The following EGLN1 variants were observed in gnomAD, a reference collection of about 807,000 sequenced individuals.
EGLN1 encodes egl nine homolog 1.
In EGLN1, 17 loss-of-function variants were observed where a neutral mutation model predicts 38.3. That is an observed-to-expected ratio of 0.44 (90% CI 0.30 to 0.67). The LOEUF is 0.67. EGLN1 is among the 30% of genes least tolerant of loss of function. EGLN1 has a pLI of 0.08. For synonymous variants in EGLN1, 283 were observed against 257.5 expected, an observed-to-expected ratio of 1.10 and a Z score of -0.95; for missense variants, 477 against 603.3, an observed-to-expected ratio of 0.79 and a Z score of 2.19.
intron 1 of EGLN1, among the ~76,000 whole-genome samples, chr1:231,388,654 TTG>T (rs1314975879): frequency 8.6e-5 from 3 of 34,736 alleles, no homozygotes. Flanking sequence ...TGGTTTTTTG[TTG>T]TTGTTGTTGT....
rs1238568345 is a variant in EGLN1, at chr1:231,367,496, G to C, written c.1216+73C>G. 26 of 1,425,814 alleles carry C rather than the reference G, an allele frequency of 1.8e-5. No individual in the cohort carries two copies. The East Asian group carries it at 5.9e-4, about 32-fold the overall frequency. The allele number at this position is 1,425,814 out of a possible 1,614,324, so 88.3% of individuals were successfully genotyped here. ...CATGGTGTTAACAAAGACTATGCTT[G>C]AGTTTCCTGAAAGCATCACCTGATT... is the stretch of plus-strand genomic sequence containing the variant. On this transcript the variant is annotated intron_variant, in intron 4 of 4. Transcript: ENST00000366641.
intron 1 of EGLN1, among the ~76,000 whole-genome samples, chr1:231,399,808 CAATA>C (rs1217989694): frequency 6.6e-6 from 1 of 152,050 alleles, no homozygotes; most frequent in Non-Finnish European, 1.5e-5. Flanking sequence ...CATTCTTGAC[CAATA>C]TATACCACGC....
chr1:231,395,642 C>T (rs1057357993), intron 1 of EGLN1, among the ~76,000 whole-genome samples: 8 of 152,172 alleles, frequency 5.3e-5, no homozygotes, highest in Non-Finnish European at 8.8e-5. Flanking sequence ...AATCTAATGA[C>T]GCCAGTGTAT....
intron 1 of EGLN1, among the ~76,000 whole-genome samples, chr1:231,377,694 G>A (rs1014342793): frequency 6.6e-6 from 1 of 152,176 alleles, no homozygotes; most frequent in Non-Finnish European, 1.5e-5. Context: ...CCGGGGATCT[G>A]TTTGTATTAT....
In EGLN1 at chr1:231,374,016, T is replaced by A. The variant is rs374733352; in HGVS notation, c.975A>T (p.Thr325=). The part of the protein sequence containing the change: ...DNPNGDGRCV[T]CIYYLNKDWD... Reference sequence around the variant, plus strand: ...AGTCTTTATTAAGATAATATATACATGTCACACATCTTCCATCTCCATTTG... The same window carrying A: ...AGTCTTTATTAAGATAATATATACAAGTCACACATCTTCCATCTCCATTTG... The change falls in exon 2 of 5, where the codon ACA becomes ACT. Residue 325 remains threonine, a synonymous_variant. Transcript: ENST00000366641. The A allele has an allele frequency of 4.8e-5, 77 of 1,613,666 alleles. 2 individuals are homozygous for A. The highest frequency in any genetic ancestry group is 8.5e-7 in the Non-Finnish European group (1 of 1,179,766).
intron 1 of EGLN1, among the ~76,000 whole-genome samples, chr1:231,393,247 G>T (rs139618106): frequency 6.6e-6 from 1 of 152,186 alleles, no homozygotes; most frequent in Admixed American, 6.5e-5. Context: ...CCATAGGTAA[G>T]GACCAATACA....
chr1:231,388,548 T>C (rs1379750002), intron 1 of EGLN1, among the ~76,000 whole-genome samples: 3 of 152,040 alleles, frequency 2.0e-5, no homozygotes, highest in East Asian at 3.9e-4. Context: ...TCTTGGCTAC[T>C]GCAACCTCTA....
intron 3 of EGLN1, chr1:231,369,701 C>T (rs1161016945): frequency 1.7e-6 from 1 of 598,476 alleles, no homozygotes; most frequent in Non-Finnish European, 2.1e-6. Flanking sequence ...CTAAAGCCAA[C>T]TCTCCACCCA....
At chr1:231,367,424 A>C (rs1254792310) in intron 4 of EGLN1, 145 bp downstream of exon 4, 1 of 878,252 alleles carries the variant, frequency 1.1e-6, no homozygotes, top group East Asian at 2.5e-5. Context: ...GTCTTCTTAA[A>C]AAATGAGGCA....
chr1:231,369,527 G>A (rs1238271359), intron 3 of EGLN1: 1 of 981,636 alleles, frequency 1.0e-6, no homozygotes, highest in Non-Finnish European at 1.2e-6. Flanking sequence ...CATGTGATGT[G>A]ACAGTCTTTC....
At chr1:231,419,114 AAATT>A (rs1318790058) in intron 1 of EGLN1, among the ~76,000 whole-genome samples, 1 of 152,212 alleles carries the variant, frequency 6.6e-6, no homozygotes, top group Non-Finnish European at 1.5e-5. Flanking sequence ...TGCGTCCCTA[AAATT>A]AATATAAGCA....
At chr1:231,372,785 T>C (rs971302366) in intron 2 of EGLN1, among the ~76,000 whole-genome samples, 10 of 152,222 alleles carry the variant, frequency 6.6e-5, no homozygotes, top group African/African-American at 2.2e-4. Context: ...ACTGTGAGCA[T>C]ATTCTAAACT....
intron 1 of EGLN1, among the ~76,000 whole-genome samples, chr1:231,405,299 A>G (rs1688760443): frequency 6.6e-6 from 1 of 152,052 alleles, no homozygotes; most frequent in South Asian, 2.1e-4. Context: ...CAGTCTCCTG[A>G]GTAGCTGGGA....
At chr1:231,407,783 G>A (rs917832474) in intron 1 of EGLN1, among the ~76,000 whole-genome samples, 4 of 152,020 alleles carry the variant, frequency 2.6e-5, no homozygotes, top group Non-Finnish European at 4.4e-5. Context: ...CTAGTACCTG[G>A]AGTTAAAAAT....
chr1:231,369,127 G>A (rs376925197), intron 3 of EGLN1, among the ~76,000 whole-genome samples: 4 of 151,590 alleles, frequency 2.6e-5, no homozygotes, highest in Admixed American at 2.6e-4. Context: ...CCTTTTCGTC[G>A]CATGATTTTC....
chr1:231,413,868 C>G (rs1428098790), intron 1 of EGLN1, among the ~76,000 whole-genome samples: 1 of 152,060 alleles, frequency 6.6e-6, no homozygotes, highest in Non-Finnish European at 1.5e-5. Context: ...AAGAGAATTC[C>G]AAACTCATGA....
At chr1:231,368,210 A>G (rs1687710742) in intron 3 of EGLN1, among the ~76,000 whole-genome samples, 1 of 152,128 alleles carries the variant, frequency 6.6e-6, no homozygotes, top group South Asian at 2.1e-4. Flanking sequence ...AGAGACAATA[A>G]AAGGGTAAAA....
intron 1 of EGLN1, among the ~76,000 whole-genome samples, chr1:231,401,209 T>A (rs1452850488): frequency 1.3e-5 from 2 of 152,170 alleles, no homozygotes; most frequent in African/African-American, 4.8e-5. Context: ...ACTATCCTGG[T>A]TTACCTAACT....
chr1:231,378,342 T>C (rs1266568251), intron 1 of EGLN1, among the ~76,000 whole-genome samples: 2 of 152,238 alleles, frequency 1.3e-5, no homozygotes, highest in Non-Finnish European at 2.9e-5. Context: ...TGCCACCTTA[T>C]AGAGACACCA....
Sources: gnomAD v4.1 joint callset for allele counts (sites outside exome capture counted in the v4.1 genomes callset) on GRCh38, gnomAD v4.1.1 for gene constraint, MANE v1.5 for transcripts, NCBI Gene and HGNC (gene_info 2026-07-23, HGNC 2026-07-21) for gene names.